The following PDE8B variants were observed in gnomAD, a reference collection of about 807,000 sequenced individuals.
PDE8B encodes high affinity cAMP-specific and IBMX-insensitive 3',5'-cyclic phosphodiesterase 8B.
Under a neutral mutation model 101.3 loss-of-function variants are expected in PDE8B, and 26 were observed. The observed-to-expected ratio is 0.26, with a 90% CI of 0.19 to 0.36. The LOEUF (loss-of-function observed/expected upper bound fraction) is 0.36. Among genes scored for constraint, PDE8B ranks in the 10% least tolerant of loss-of-function variants. The probability of loss-of-function intolerance (pLI) is 1.00; values close to 1 mark genes in which losing one functional copy is unlikely to be tolerated. For synonymous variants in PDE8B, 424 were observed against 429.3 expected, an observed-to-expected ratio of 0.99 and a Z score of 0.15; for missense variants, 810 against 1,163.1, an observed-to-expected ratio of 0.70 and a Z score of 4.42.
At chr5:77,125,028 T>C in the PDE8B span, among the ~76,000 whole-genome samples, 1 of 152,320 alleles carries the variant, frequency 6.6e-6, no homozygotes, top group East Asian at 1.9e-4. Context: ...TCTTGCTCTG[T>C]CACCCAAGCT....
intron 1 of PDE8B, among the ~76,000 whole-genome samples, chr5:77,295,876 C>G (rs942129540): frequency 4.6e-5 from 7 of 152,328 alleles, no homozygotes; most frequent in Non-Finnish European, 1.0e-4. Flanking sequence ...TGCTTTCGTT[C>G]TCACATGGTG....
the PDE8B span, among the ~76,000 whole-genome samples, chr5:77,165,791 AGGCCAG>A: frequency 6.6e-6 from 1 of 152,010 alleles, no homozygotes; most frequent in Non-Finnish European, 1.5e-5. Flanking sequence ...GGATCACTTG[AGGCCAG>A]GAGTTCAAGA....
intron 5 of PDE8B, among the ~76,000 whole-genome samples, chr5:77,336,979 T>C (rs1029640072): frequency 1.3e-5 from 2 of 152,220 alleles, no homozygotes; most frequent in African/African-American, 4.8e-5. Flanking sequence ...CTCTAGAGCA[T>C]TCATAATGTA....
chr5:77,093,967 C>T, the PDE8B span, among the ~76,000 whole-genome samples: 1 of 152,020 alleles, frequency 6.6e-6, no homozygotes, highest in East Asian at 1.9e-4. Context: ...CCTAGAGCTG[C>T]CACAACAAAG....
chr5:77,220,029 C>T (rs931937375), intron 1 of PDE8B, among the ~76,000 whole-genome samples: 14 of 152,184 alleles, frequency 9.2e-5, no homozygotes, highest in East Asian at 1.9e-4. Context: ...AACACCTAGG[C>T]GGGTAAGTTT....
intron 10 of PDE8B, among the ~76,000 whole-genome samples, chr5:77,377,700 G>A (rs919343620): frequency 1.5e-4 from 23 of 152,316 alleles, no homozygotes; most frequent in African/African-American, 5.3e-4. Flanking sequence ...ATTTGAATCA[G>A]AGGACAGGAA....
intron 1 of PDE8B, chr5:77,290,393 C>A: frequency 7.2e-7 from 1 of 1,385,514 alleles, no homozygotes; most frequent in Non-Finnish European, 1.0e-6. Flanking sequence ...TGACCTGTTG[C>A]TCTGCTAACA....
intron 1 of PDE8B, among the ~76,000 whole-genome samples, chr5:77,233,376 A>G (rs1753978339): frequency 6.6e-6 from 1 of 152,144 alleles, no homozygotes; most frequent in Non-Finnish European, 1.5e-5. Context: ...CCTGGAGCAC[A>G]GAATCTGCCT....
intron 10 of PDE8B, among the ~76,000 whole-genome samples, chr5:77,353,640 A>T (rs76721227): frequency 0.019 from 2,950 of 151,974 alleles, 88 homozygotes; most frequent in African/African-American, 0.066. Context: ...TGGCTGAGGA[A>T]CTCTCTAGAC....
At chr5:77,422,280 CT>C (rs1469300597) in intron 20 of PDE8B, among the ~76,000 whole-genome samples, 10 of 152,310 alleles carry the variant, frequency 6.6e-5, no homozygotes, top group African/African-American at 2.4e-4. Flanking sequence ...ACCGAGAAAT[CT>C]TCCATTCATT....
the PDE8B span, among the ~76,000 whole-genome samples, chr5:77,124,764 A>C: frequency 3.9e-5 from 6 of 152,212 alleles, no homozygotes; most frequent in African/African-American, 1.4e-4. Flanking sequence ...TAGACACTGC[A>C]GAAGAAAAGA....
At chr5:77,134,872 G>C in the PDE8B span, among the ~76,000 whole-genome samples, 1 of 152,304 alleles carries the variant, frequency 6.6e-6, no homozygotes, top group South Asian at 2.1e-4. Flanking sequence ...ATTTCCTCAA[G>C]AAGAGGGCCC....
chr5:77,151,640 G>A, the PDE8B span, among the ~76,000 whole-genome samples: 1 of 152,080 alleles, frequency 6.6e-6, no homozygotes, highest in Non-Finnish European at 1.5e-5. Context: ...TTTTATACAT[G>A]AGGAACACAA....
chr5:77,386,766 G>GCCCATTTA (rs1335545704), intron 10 of PDE8B, among the ~76,000 whole-genome samples: 8 of 151,054 alleles, frequency 5.3e-5, no homozygotes, highest in Non-Finnish European at 1.0e-4. Context: ...GGGGCATTTG[G>GCCCATTTA]CCCATTTACA....
chr5:77,096,931 C>T, the PDE8B span, among the ~76,000 whole-genome samples: 1 of 152,226 alleles, frequency 6.6e-6, no homozygotes, highest in East Asian at 1.9e-4. Flanking sequence ...AGAGTTAGGA[C>T]TTCAACAGAT....
intron 10 of PDE8B, among the ~76,000 whole-genome samples, chr5:77,356,270 C>T (rs1561575687): frequency 1.3e-5 from 2 of 152,188 alleles, no homozygotes; most frequent in Admixed American, 6.5e-5. Flanking sequence ...ACCTAGGTCC[C>T]CTGAGGCTTT....
chr5:77,223,632 CTT>C (rs1232089157), intron 1 of PDE8B, among the ~76,000 whole-genome samples: 4 of 152,006 alleles, frequency 2.6e-5, no homozygotes, highest in Non-Finnish European at 5.9e-5. Flanking sequence ...TTTTTTGTCT[CTT>C]AGTTTGTAGC....
chr5:77,120,207 A>G, the PDE8B span, among the ~76,000 whole-genome samples: 1 of 152,232 alleles, frequency 6.6e-6, no homozygotes, highest in Non-Finnish European at 1.5e-5. Flanking sequence ...AAAGTTCTAG[A>G]ATAGGCAGAA....
chr5:77,137,149 C>G, the PDE8B span, among the ~76,000 whole-genome samples: 1 of 152,202 alleles, frequency 6.6e-6, no homozygotes, highest in Admixed American at 6.5e-5. Flanking sequence ...TGTTTCTCAT[C>G]TTTTTGCTGA....
Sources: allele counts gnomAD v4.1 joint callset (sites outside exome capture counted in the v4.1 genomes callset), GRCh38; gene constraint gnomAD v4.1.1; transcripts MANE v1.5; gene names NCBI Gene and HGNC (gene_info 2026-07-23, HGNC 2026-07-21).